The following GTF2A1 variants were observed in gnomAD, a reference collection of about 807,000 sequenced individuals.
GTF2A1 encodes transcription initiation factor IIA subunit 1.
A neutral mutation model predicts 54.1 loss-of-function variants in GTF2A1; 12 were observed. That is an observed-to-expected ratio of 0.22 (90% CI 0.14 to 0.36). GTF2A1 has a LOEUF of 0.36. GTF2A1 is among the 10% of genes least tolerant of loss of function. The pLI, the probability that GTF2A1 is intolerant of heterozygous loss-of-function variation, is 1.00. For missense variants in GTF2A1, 335 were observed against 442.2 expected, an observed-to-expected ratio of 0.76 and a Z score of 2.17; for synonymous variants, 145 against 152.0, an observed-to-expected ratio of 0.95 and a Z score of 0.34.
At chr14:81,198,128 T>G (rs183908932) in intron 4 of GTF2A1, among the ~76,000 whole-genome samples, 11 of 152,208 alleles carry the variant, frequency 7.2e-5, no homozygotes, top group Non-Finnish European at 1.2e-4. Flanking sequence ...AATAACAGAT[T>G]AATACAAAAA....
chr14:81,190,268 GA>G lies in GTF2A1; in HGVS notation c.933+2250del, dbSNP rs60741593. Among the ~76,000 whole-genome samples, 790 of 135,244 alleles carry G rather than the reference GA, an allele frequency of 5.8e-3. 2 individuals are homozygous for G. Among genetic ancestry groups the G allele is most frequent in the Non-Finnish European group, 7.7e-3 (480 of 62,168 alleles). 88.7% of individuals were successfully genotyped at this position (135,244 alleles called of 152,430 possible). ...AACAGAAGAATTAAATACAATCTTT[GA>G]AAAAAAAAAAAGAGTTCAAAATACA... On this transcript the variant is annotated intron_variant, in intron 7 of 8. Transcript: ENST00000553612.
intron 7 of GTF2A1, among the ~76,000 whole-genome samples, chr14:81,186,892 G>A (rs1052733407): frequency 6.6e-6 from 1 of 151,906 alleles, no homozygotes; most frequent in Non-Finnish European, 1.5e-5. Context: ...TTGAAGCTAT[G>A]AGCCTTGATC....
chr14:81,183,629 A>C (rs1253290833), intron 8 of GTF2A1, among the ~76,000 whole-genome samples: 3 of 152,222 alleles, frequency 2.0e-5, no homozygotes, highest in Non-Finnish European at 4.4e-5. Context: ...GCCAGGAGAA[A>C]GCCCTCTTAA....
Position 81,175,456 on chromosome 14 carries a change from C to T in GTF2A1, c.*4767G>A, listed in dbSNP as rs1892505475. The T allele has an allele frequency of 6.6e-6, 1 of 152,080 alleles. No homozygotes were observed. Among genetic ancestry groups the T allele is most frequent in the South Asian group, 2.1e-4 (1 of 4,832 alleles). 9.4% of individuals were successfully genotyped at this position (152,080 alleles called of 1,614,324 possible). On this transcript the variant is annotated 3_prime_UTR_variant, in exon 9 of 9. Transcript: ENST00000553612. ...ATTAAACTGCAAAATACAAGATTTG[C>T]TGGCAATAAATAAGATATCTTTATT... is the stretch of plus-strand genomic sequence containing the variant.
chr14:81,192,465 C>T, intron 7 of GTF2A1, 54 bp downstream of exon 7: 1 of 1,350,710 alleles, frequency 7.4e-7, no homozygotes, highest in South Asian at 1.3e-5. Flanking sequence ...GTTGTACCAA[C>T]TAAAAAAGGA....
At chr14:81,213,454 C>G (rs1353569896) in intron 2 of GTF2A1, among the ~76,000 whole-genome samples, 1 of 152,074 alleles carries the variant, frequency 6.6e-6, no homozygotes, top group Non-Finnish European at 1.5e-5. Flanking sequence ...ACTAGTTTGA[C>G]CTAGAGAAAA....
At position 81,180,075 on chromosome 14, in the gene GTF2A1, T is replaced by G; in HGVS notation, c.*148A>C. The G allele has an allele frequency of 7.7e-6, 2 of 259,136 alleles. No homozygotes were observed. 16.1% of individuals were successfully genotyped at this position (259,136 alleles called of 1,614,324 possible). On this transcript the variant is annotated 3_prime_UTR_variant, in exon 9 of 9. Coordinates refer to ENST00000553612, the MANE Select transcript of GTF2A1 (RefSeq NM_015859.4). ...GTAAGTAGTGTCTATGTTGTCAAGGTCTATCTTTGTTCCAGTAGCTTTGCT... is the reference window on the plus strand; with the variant it reads ...GTAAGTAGTGTCTATGTTGTCAAGGGCTATCTTTGTTCCAGTAGCTTTGCT...
intron 7 of GTF2A1, among the ~76,000 whole-genome samples, chr14:81,185,922 G>A (rs558112909): frequency 3.3e-5 from 5 of 152,010 alleles, no homozygotes; most frequent in African/African-American, 4.8e-5. Context: ...GTGCAATCTC[G>A]GCTCACTGCA....
At chr14:81,212,638 T>C (rs1173496430) in intron 2 of GTF2A1, among the ~76,000 whole-genome samples, 1 of 152,148 alleles carries the variant, frequency 6.6e-6, no homozygotes. Context: ...CCCCAGAAAG[T>C]AGGGAGAGGG....
At chr14:81,205,412 T>C (rs557776075) in intron 2 of GTF2A1, among the ~76,000 whole-genome samples, 1 of 152,354 alleles carries the variant, frequency 6.6e-6, no homozygotes, top group South Asian at 2.1e-4. Flanking sequence ...GGAATCTTAC[T>C]GGCAGGCCCA....
At chr14:81,190,784 G>A (rs1033685845) in intron 7 of GTF2A1, among the ~76,000 whole-genome samples, 6 of 152,076 alleles carry the variant, frequency 3.9e-5, no homozygotes, top group South Asian at 2.1e-4. Flanking sequence ...TACTGTTCCC[G>A]AAGGCTTAGC....
chr14:81,211,026 T>C (rs1227115232), intron 2 of GTF2A1, among the ~76,000 whole-genome samples: 1 of 152,244 alleles, frequency 6.6e-6, no homozygotes, highest in African/African-American at 2.4e-5. Context: ...GTGTACTTTA[T>C]AAATACATGT....
intron 2 of GTF2A1, 70 bp from the exon 3 acceptor site, chr14:81,204,174 T>C (rs1030670401): frequency 2.7e-5 from 26 of 973,430 alleles, no homozygotes; most frequent in Non-Finnish European, 3.8e-5. Context: ...ACAGTTTTAT[T>C]AATCTCTTTA....
intron 2 of GTF2A1, among the ~76,000 whole-genome samples, chr14:81,207,538 G>A (rs1893265811): frequency 6.6e-6 from 1 of 152,158 alleles, no homozygotes; most frequent in South Asian, 2.1e-4. Context: ...TACCAGTAGA[G>A]TCAGGGCATT....
chr14:81,185,684 TATA>T, intron 7 of GTF2A1, 64 bp from the exon 8 acceptor site: 2 of 805,144 alleles, frequency 2.5e-6, no homozygotes, highest in Non-Finnish European at 4.1e-6. Context: ...AAAAAAAAAA[TATA>T]ATGACCTTGA....
At position 81,220,691 on chromosome 14, in the gene GTF2A1, A is replaced by T; in HGVS notation, c.-173T>A. The stretch of plus-strand genomic sequence containing the variant: ...AGTAGGGGAGAGCGGAGAGAGGAGG[A>T]GGAGGGGGGCACTCCTCCCGCAGCT... On this transcript the variant is annotated 5_prime_UTR_variant, in exon 1 of 9. Transcript: ENST00000553612. The T allele has an allele frequency of 7.0e-6, 2 of 287,238 alleles. No individual in the cohort carries two copies. Among genetic ancestry groups the T allele is most frequent in the Non-Finnish European group, 6.4e-6 (1 of 155,436 alleles). 17.8% of individuals were successfully genotyped at this position (287,238 alleles called of 1,614,324 possible).
In GTF2A1 at chr14:81,175,669, A is replaced by T. The variant is rs2140140364; in HGVS notation, c.*4554T>A. ...ACGCAATACAAACCTCAGTAATCCA[A>T]TTCTCCTAATATGCAATTATTTATA... is the stretch of plus-strand genomic sequence containing the variant. On this transcript the variant is annotated 3_prime_UTR_variant, in exon 9 of 9. Transcript: ENST00000553612. 6.6e-6 allele frequency: 1 copy of T among 152,286 alleles called. No individual in the cohort carries two copies. Among genetic ancestry groups the T allele is most frequent in the East Asian group, 1.9e-4 (1 of 5,184 alleles). 9.4% of individuals were successfully genotyped at this position (152,286 alleles called of 1,614,324 possible). A position where few individuals can be genotyped will look rare whatever the true frequency, so the allele number is the denominator to read the frequency against.
chr14:81,176,986 G>A lies in GTF2A1; in HGVS notation c.*3237C>T, dbSNP rs1427684417. On this transcript the variant is annotated 3_prime_UTR_variant, in exon 9 of 9. Transcript: ENST00000553612. ...CTCTGATAAGAATGGTGACATTATT[G>A]CTATGAGAATCAAAAATAGTATACT... 1.3e-5 allele frequency: 2 copies of A among 151,950 alleles called. No homozygotes were observed. Among genetic ancestry groups the A allele is most frequent in the Admixed American group, 1.3e-4 (2 of 15,262 alleles). 9.4% of individuals were successfully genotyped at this position (151,950 alleles called of 1,614,324 possible).
chr14:81,189,160 C>T (rs374112268), intron 7 of GTF2A1, among the ~76,000 whole-genome samples: 7 of 152,236 alleles, frequency 4.6e-5, no homozygotes, highest in African/African-American at 1.7e-4. Context: ...CAGTATCATA[C>T]AAACAGACTT....
Sources: allele counts gnomAD v4.1 joint callset (sites outside exome capture counted in the v4.1 genomes callset), GRCh38; gene constraint gnomAD v4.1.1; transcripts MANE v1.5; gene names NCBI Gene and HGNC (gene_info 2026-07-23, HGNC 2026-07-21).